The following ARHGEF9 variants were observed in gnomAD, a reference collection of about 807,000 sequenced individuals.
ARHGEF9 encodes Cdc42 guanine nucleotide exchange factor 9.
ARHGEF9 carries 2 observed loss-of-function variants against 41.3 expected under a neutral mutation model. That is an observed-to-expected ratio of 0.05 (90% confidence interval 0.02 to 0.15). ARHGEF9 has a LOEUF of 0.15. Among genes scored for constraint, ARHGEF9 ranks in the 10% least tolerant of loss-of-function variants. The pLI is 1.00. For missense variants in ARHGEF9, 225 were observed against 424.7 expected, an observed-to-expected ratio of 0.53 and a Z score of 4.13; for synonymous variants, 160 against 154.4, an observed-to-expected ratio of 1.04 and a Z score of -0.27.
chrX:63,649,157 A>G (rs2048356468), intron 8 of ARHGEF9, among the ~76,000 whole-genome samples: 1 of 111,904 alleles, frequency 8.9e-6, no homozygotes, highest in Non-Finnish European at 1.9e-5. Flanking sequence ...CATTCTTCTC[A>G]GCACCACACC....
chrX:63,725,537 C>T (rs2053909878), intron 1 of ARHGEF9: 1 of 110,194 alleles, frequency 9.1e-6, no homozygotes, highest in South Asian at 3.9e-4. Flanking sequence ...TCACGGCTAG[C>T]AGGACTGGGC....
At chrX:63,771,215 G>T (rs1387087634) in intron 1 of ARHGEF9, among the ~76,000 whole-genome samples, 1 of 111,727 alleles carries the variant, frequency 9.0e-6, no homozygotes, top group African/African-American at 3.3e-5. Context: ...TGAATGTGAA[G>T]GATTATTATT....
In ARHGEF9 at chrX:63,635,464, T is replaced by A. The variant is rs2047272790; in HGVS notation, c.*2564A>T. 5 of 514,678 alleles carry A rather than the reference T, an allele frequency of 9.7e-6. No individual in the cohort carries two copies. The highest frequency in any genetic ancestry group is 1.8e-5 in the Non-Finnish European group (5 of 283,045). 42.4% of individuals were successfully genotyped at this position (514,678 alleles called of 1,213,427 possible). A position where few individuals can be genotyped will look rare whatever the true frequency, so the allele number is the denominator to read the frequency against. On this transcript the variant is annotated 3_prime_UTR_variant, in exon 10 of 10. Coordinates refer to ENST00000671741, the MANE Select transcript of ARHGEF9 (RefSeq NM_001353921.2). Reference sequence around the variant, plus strand: ...AGAATTACTGGGGTTACCATTGCTGTCAGGACATAACAGGTTAGGATACTG... The same window carrying A: ...AGAATTACTGGGGTTACCATTGCTGACAGGACATAACAGGTTAGGATACTG...
intron 8 of ARHGEF9, among the ~76,000 whole-genome samples, chrX:63,654,547 G>A (rs1228836261): frequency 8.9e-6 from 1 of 111,956 alleles, no homozygotes; most frequent in African/African-American, 3.2e-5. Context: ...GGAGAAGACT[G>A]GAGTTAGATT....
At chrX:63,660,843 C>T (rs2049168502) in intron 7 of ARHGEF9, among the ~76,000 whole-genome samples, 1 of 111,908 alleles carries the variant, frequency 8.9e-6, no homozygotes, top group South Asian at 3.7e-4. Context: ...ATTTTGCAAA[C>T]AAGGGCATAA....
chrX:63,708,178 A>G (rs144147028), intron 2 of ARHGEF9, among the ~76,000 whole-genome samples: 1,696 of 111,957 alleles, frequency 0.015, 10 homozygotes, highest in Middle Eastern at 0.037. Context: ...CATCTCATAT[A>G]CATGATGCTG....
At chrX:63,700,357 C>G (rs2052073355) in intron 3 of ARHGEF9, among the ~76,000 whole-genome samples, 1 of 111,346 alleles carries the variant, frequency 9.0e-6, no homozygotes, top group Non-Finnish European at 1.9e-5. Flanking sequence ...TTTTTTATCC[C>G]CTTCTTTTGG....
chrX:63,776,436 A>T (rs1394958358), intron 1 of ARHGEF9, among the ~76,000 whole-genome samples: 4 of 112,358 alleles, frequency 3.6e-5, no homozygotes, highest in Non-Finnish European at 7.5e-5. Context: ...TTATTTTTGG[A>T]TGCTGAAATT....
At chrX:63,746,928 T>C (rs2055310444) in intron 1 of ARHGEF9, among the ~76,000 whole-genome samples, 1 of 111,859 alleles carries the variant, frequency 8.9e-6, no homozygotes. Flanking sequence ...TCTCCTTTCC[T>C]GCTTGGCGGC....
chrX:63,648,944 C>T (rs2048330313), intron 8 of ARHGEF9, among the ~76,000 whole-genome samples: 1 of 110,912 alleles, frequency 9.0e-6, no homozygotes, highest in Admixed American at 9.5e-5. Context: ...TACCCAGATT[C>T]ATAAAACAAG....
chrX:63,754,208 C>T lies in ARHGEF9; in HGVS notation c.31-29497G>A, dbSNP rs782223026. The stretch of plus-strand genomic sequence containing the variant: ...ATGCACACTTAAATAGAAAGCATTT[C>T]TTCATCAACAATTTCACTCAAGCAA... On this transcript the variant is annotated intron_variant, in intron 1 of 9. Coordinates refer to ENST00000671741, the MANE Select transcript of ARHGEF9 (RefSeq NM_001353921.2). 22 of 988,816 alleles carry T rather than the reference C, an allele frequency of 2.2e-5. No individual in the cohort carries two copies. In the South Asian group the frequency reaches 4.1e-4, roughly 18 times the overall value. The allele number at this position is 988,816 out of a possible 1,213,427, so 81.5% of individuals were successfully genotyped here.
At chrX:63,644,777 G>A (rs1397391110) in intron 8 of ARHGEF9, among the ~76,000 whole-genome samples, 1 of 90,755 alleles carries the variant, frequency 1.1e-5, no homozygotes, top group African/African-American at 4.0e-5. Flanking sequence ...TTTTTTTTTT[G>A]GAGGCAAGGT....
At chrX:63,661,116 T>A (rs1556341013) in intron 7 of ARHGEF9, among the ~76,000 whole-genome samples, 3 of 111,511 alleles carry the variant, frequency 2.7e-5, no homozygotes, top group African/African-American at 9.8e-5. Flanking sequence ...TACTCAGGAG[T>A]TCTGGTTTCA....
chrX:63,648,959 T>G (rs1173365350), intron 8 of ARHGEF9, among the ~76,000 whole-genome samples: 1 of 110,164 alleles, frequency 9.1e-6, no homozygotes, highest in Non-Finnish European at 1.9e-5. Flanking sequence ...AACAAGTCCT[T>G]AGAGATCTAC....
chrX:63,744,938 C>G (rs1333478039), intron 1 of ARHGEF9, among the ~76,000 whole-genome samples: 1 of 111,770 alleles, frequency 8.9e-6, no homozygotes, highest in African/African-American at 3.3e-5. Flanking sequence ...TTATCAGAGC[C>G]CCTCCTAGAG....
intron 6 of ARHGEF9, among the ~76,000 whole-genome samples, chrX:63,669,265 G>A (rs1453475115): frequency 4.5e-5 from 5 of 110,878 alleles, no homozygotes; most frequent in African/African-American, 1.6e-4. Context: ...CCCCAACCGT[G>A]GGCCTTTGGA....
In ARHGEF9 at chrX:63,689,610, G is replaced by A. The variant is rs186809523; in HGVS notation, c.582+7515C>T. ...ATTATCCAGACAAGATATCAACAAA[G>A]AAATACTGGATTTCAGTTGTACTAT... On this transcript the variant is annotated intron_variant, in intron 4 of 9. Transcript: ENST00000671741. Among the ~76,000 whole-genome samples the A allele has an allele frequency of 1.7e-4, 19 of 111,822 alleles. No individual in the cohort carries two copies. In the East Asian group the frequency reaches 5.3e-3, roughly 31 times the overall value.
chrX:63,708,678 G>A (rs1314316203), intron 2 of ARHGEF9, among the ~76,000 whole-genome samples: 2 of 111,731 alleles, frequency 1.8e-5, no homozygotes, highest in Non-Finnish European at 3.8e-5. Flanking sequence ...AACCCCAGAA[G>A]CCCATTCCTT....
At chrX:63,686,526 T>C (rs781794612) in intron 4 of ARHGEF9, among the ~76,000 whole-genome samples, 7 of 111,716 alleles carry the variant, frequency 6.3e-5, no homozygotes, top group Middle Eastern at 4.6e-3. Context: ...TATACATATG[T>C]TAAAAATTTC....
Sources: gnomAD v4.1 joint callset for allele counts (sites outside exome capture counted in the v4.1 genomes callset) on GRCh38, gnomAD v4.1.1 for gene constraint, MANE v1.5 for transcripts, NCBI Gene and HGNC (gene_info 2026-07-23, HGNC 2026-07-21) for gene names.